MAD1L1: variants seen among roughly 807,000 people sequenced by gnomAD.
MAD1L1 encodes mitotic arrest deficient 1 like 1.
Under a neutral mutation model 96.9 loss-of-function variants are expected in MAD1L1, and 95 were observed. The ratio of observed to expected loss-of-function variants is 0.98; its 90% CI spans 0.83 to 1.16. MAD1L1 has a LOEUF of 1.16. Ranked by LOEUF, MAD1L1 falls within the 50% of genes most tolerant of loss-of-function variation. The pLI is 0.00. For missense variants in MAD1L1, 1,007 were observed against 954.4 expected, an observed-to-expected ratio of 1.06 and a Z score of -0.73; for synonymous variants, 473 against 396.6, an observed-to-expected ratio of 1.19 and a Z score of -2.29.
intron 12 of MAD1L1, among the ~76,000 whole-genome samples, chr7:2,036,798 C>T (rs544470368): frequency 3.3e-5 from 5 of 152,238 alleles, no homozygotes; most frequent in South Asian, 2.1e-4. Context: ...AAGCAGGTGT[C>T]GGAAATGACA....
chr7:1,858,834 A>C (rs1784383480), intron 18 of MAD1L1, among the ~76,000 whole-genome samples: 1 of 152,252 alleles, frequency 6.6e-6, no homozygotes, highest in South Asian at 2.1e-4. Flanking sequence ...ACGGGCAGTC[A>C]GAGCCTCTGC....
Position 2,216,151 on chromosome 7 carries a change from C to G in MAD1L1, c.809+6G>C, listed in dbSNP as rs1793263183. 2 of 1,612,004 alleles carry G rather than the reference C, an allele frequency of 1.2e-6. No individual in the cohort carries two copies. The highest frequency in any genetic ancestry group is 2.2e-5 in the South Asian group (2 of 90,928). On this transcript the variant is annotated splice_donor_region_variant and intron_variant, in intron 8 of 18. Transcript: ENST00000265854. ...GGCGGCTGCCCCATCCCCCGCAACCCCTCACCGCAGGTGCGCGCTCTCCTC... is the reference window on the plus strand; with the variant it reads ...GGCGGCTGCCCCATCCCCCGCAACCGCTCACCGCAGGTGCGCGCTCTCCTC...
intron 18 of MAD1L1, among the ~76,000 whole-genome samples, chr7:1,858,223 C>T (rs1215720943): frequency 2.0e-5 from 3 of 152,238 alleles, no homozygotes; most frequent in Non-Finnish European, 4.4e-5. Flanking sequence ...TCTTGGAGCA[C>T]AGGCAGAGTC....
intron 18 of MAD1L1, among the ~76,000 whole-genome samples, chr7:1,819,428 G>A (rs146589384): frequency 3.9e-4 from 60 of 152,252 alleles, no homozygotes; most frequent in African/African-American, 1.4e-3. Flanking sequence ...GTCCATTGTG[G>A]CCACTGCACT....
intron 10 of MAD1L1, among the ~76,000 whole-genome samples, chr7:2,196,861 A>G (rs746201284): frequency 6.6e-6 from 1 of 152,196 alleles, no homozygotes; most frequent in African/African-American, 2.4e-5. Flanking sequence ...GAGGCTCTCA[A>G]CTGACAACAG....
At chr7:1,880,916 G>C (rs962491217) in intron 18 of MAD1L1, among the ~76,000 whole-genome samples, 1 of 152,212 alleles carries the variant, frequency 6.6e-6, no homozygotes, top group Non-Finnish European at 1.5e-5. Flanking sequence ...CTTAGGAGTG[G>C]AGCCTGGAGC....
rs147800153 is a variant in MAD1L1, at chr7:1,921,104, C to G, written c.1807+15583G>C. Among the ~76,000 whole-genome samples, 13 of 152,290 alleles carry G rather than the reference C, an allele frequency of 8.5e-5. No individual in the cohort carries two copies. The East Asian group carries it at 2.5e-3, about 29-fold the overall frequency. ...AGCAGATGGCAGCCCAGATGACACA[C>G]TCCTGCCTGGACCGGAGCCTGCAAA... On this transcript the variant is annotated intron_variant, in intron 17 of 18. Transcript: ENST00000265854.
chr7:2,155,998 C>T (rs1469520535), intron 10 of MAD1L1, among the ~76,000 whole-genome samples: 1 of 152,238 alleles, frequency 6.6e-6, no homozygotes, highest in Non-Finnish European at 1.5e-5. Context: ...ACTGAACACC[C>T]ATTAAAGCTG....
In MAD1L1 at chr7:1,987,225, A is replaced by G. The variant is rs1038073467; in HGVS notation, c.1417-6684T>C. 7.9e-5 allele frequency among the ~76,000 whole-genome samples: 12 copies of G among 152,192 alleles called. 2 individuals are homozygous for G. Among genetic ancestry groups the G allele is most frequent in the Admixed American group, 7.8e-4 (12 of 15,288 alleles). On this transcript the variant is annotated intron_variant, in intron 14 of 18. Transcript: ENST00000265854. Reference sequence around the variant, plus strand: ...CCACCACACCACATGGTGACTGGGCACGTGACTCTCCTCCCCACTGGATGG... The same window carrying G: ...CCACCACACCACATGGTGACTGGGCGCGTGACTCTCCTCCCCACTGGATGG...
chr7:2,146,175 G>A lies in MAD1L1; in HGVS notation c.1073+2977C>T, dbSNP rs1403172420. On this transcript the variant is annotated intron_variant, in intron 11 of 18. Transcript: ENST00000265854. This position sits in a 1 kb window ranked among gnomAD's most constrained non-coding sequence, Gnocchi z 6.2. ...CGTCACTTCAGAAGCTCGGCCTGAGGCACAAGCATTCCGAGATGCTGCCAC... is the reference window on the plus strand; with the variant it reads ...CGTCACTTCAGAAGCTCGGCCTGAGACACAAGCATTCCGAGATGCTGCCAC... Among the ~76,000 whole-genome samples, 3 of 152,332 alleles carry A rather than the reference G, an allele frequency of 2.0e-5. No homozygotes were observed. In the East Asian group the frequency reaches 5.8e-4, roughly 29 times the overall value.
intron 16 of MAD1L1, among the ~76,000 whole-genome samples, chr7:1,948,099 G>T (rs569332831): frequency 6.6e-6 from 1 of 152,164 alleles, no homozygotes; most frequent in Non-Finnish European, 1.5e-5. Context: ...TCCACCATGG[G>T]GAGTGAGTGT....
At chr7:1,915,633 G>A (rs138343147) in intron 17 of MAD1L1, among the ~76,000 whole-genome samples, 5 of 152,354 alleles carry the variant, frequency 3.3e-5, no homozygotes, top group Admixed American at 6.5e-5. Flanking sequence ...CAAATGTGTC[G>A]CCGGCACAGA....
intron 18 of MAD1L1, among the ~76,000 whole-genome samples, chr7:1,896,604 G>A (rs905892675): frequency 2.6e-5 from 4 of 152,348 alleles, no homozygotes; most frequent in East Asian, 1.9e-4. Context: ...ATGAAACACC[G>A]AAAGGAAACA....
chr7:2,228,701 G>C (rs1464804909), intron 3 of MAD1L1, among the ~76,000 whole-genome samples: 6 of 151,050 alleles, frequency 4.0e-5, no homozygotes, highest in Admixed American at 4.0e-4. Context: ...ATAAAAAACA[G>C]TCCTCATCAA....
intron 14 of MAD1L1, among the ~76,000 whole-genome samples, chr7:1,997,076 GA>G (rs1055302135): frequency 6.6e-6 from 1 of 152,110 alleles, no homozygotes; most frequent in Admixed American, 6.5e-5. Flanking sequence ...TGCATTTAAA[GA>G]AAAAAACATG....
intron 11 of MAD1L1, among the ~76,000 whole-genome samples, chr7:2,123,821 T>C (rs181082831): frequency 3.7e-4 from 57 of 152,340 alleles, no homozygotes; most frequent in African/African-American, 1.3e-3. Context: ...GAATCAGCGC[T>C]GTTTACCACT....
chr7:2,200,708 G>A (rs971282272), intron 10 of MAD1L1, among the ~76,000 whole-genome samples: 2 of 152,186 alleles, frequency 1.3e-5, no homozygotes, highest in South Asian at 2.1e-4. Flanking sequence ...TCTCCCCACC[G>A]CGGCTCTGCA....
rs543258220 is a variant in MAD1L1 at position 1,883,264 on chromosome 7, C to T, written c.1998+14936G>A. 1.2e-4 allele frequency among the ~76,000 whole-genome samples: 18 copies of T among 152,344 alleles called. No individual in the cohort carries two copies. The South Asian group carries it at 2.3e-3, about 19-fold the overall frequency. On this transcript the variant is annotated intron_variant, in intron 18 of 18. Coordinates refer to ENST00000265854, the MANE Select transcript of MAD1L1 (RefSeq NM_001013836.2). Reference sequence around the variant, plus strand: ...GAACCCAAACTACCAAACTGTGAATCACAAATGTCCACCCCTTCCCCCACC... The same window carrying T: ...GAACCCAAACTACCAAACTGTGAATTACAAATGTCCACCCCTTCCCCCACC...
intron 12 of MAD1L1, among the ~76,000 whole-genome samples, chr7:2,052,950 G>A (rs948781220): frequency 2.0e-5 from 3 of 152,146 alleles, no homozygotes; most frequent in African/African-American, 4.8e-5. Context: ...AGGGAGAGCT[G>A]CCCCAAGTCC....
Sources: allele counts gnomAD v4.1 joint callset (sites outside exome capture counted in the v4.1 genomes callset), GRCh38; gene constraint gnomAD v4.1.1; non-coding constraint Gnocchi (gnomAD v3.1); transcripts MANE v1.5; gene names NCBI Gene and HGNC (gene_info 2026-07-23, HGNC 2026-07-21).